Variants in SLC4A10 observed in about 807,000 individuals in gnomAD.
SLC4A10 encodes sodium-driven chloride bicarbonate exchanger.
A neutral mutation model predicts 137.7 loss-of-function variants in SLC4A10; 42 were observed. That is an observed-to-expected ratio of 0.30 (90% CI 0.24 to 0.39). The LOEUF is 0.39. Ranked by LOEUF, SLC4A10 falls within the 10% of genes least tolerant of loss-of-function variation. SLC4A10 has a pLI of 1.00. For missense variants in SLC4A10, 925 were observed against 1,355.0 expected, an observed-to-expected ratio of 0.68 and a Z score of 4.98; for synonymous variants, 474 against 464.1, an observed-to-expected ratio of 1.02 and a Z score of -0.27.
In SLC4A10 at chr2:161,862,942, G is replaced by A. The variant is rs747266395; in HGVS notation, c.646G>A (p.Ala216Thr). The A allele has an allele frequency of 8.6e-5, 138 of 1,613,514 alleles. 2 individuals are homozygous for A. In the South Asian group the frequency reaches 1.2e-3, roughly 14 times the overall value. Residue 216 changes from alanine to threonine, a missense_variant, in exon 6 of 27, where the codon GCA becomes ACA. By Grantham distance (58) the Ala-to-Thr change is moderately conservative (BLOSUM62 0). Coordinates refer to ENST00000446997, the MANE Select transcript of SLC4A10 (RefSeq NM_001178015.2). ...NEDVRHRVHE[A>T]LMKQHHHQNQ... ...AGATGTACGCCATAGGGTCCATGAGGCATTGATGAAACAGCATCATCATCA... is the reference window on the plus strand; with the variant it reads ...AGATGTACGCCATAGGGTCCATGAGACATTGATGAAACAGCATCATCATCA...
rs186187957 is a variant in SLC4A10 at position 161,683,062 on chromosome 2, C to A, written c.48+58496C>A. Among the ~76,000 whole-genome samples the A allele has an allele frequency of 1.2e-3, 177 of 152,074 alleles. 1 individual carries two copies. Among genetic ancestry groups the A allele is most frequent in the African/African-American group, 4.0e-3 (167 of 41,498 alleles). The stretch of plus-strand genomic sequence containing the variant: ...TTTTTTGCTTAAAGCAAGTCATTAG[C>A]CTCATTGAGATTCAGGTGAGGGGAC... On this transcript the variant is annotated intron_variant, in intron 1 of 26. Coordinates refer to ENST00000446997, the MANE Select transcript of SLC4A10 (RefSeq NM_001178015.2).
intron 26 of SLC4A10, among the ~76,000 whole-genome samples, chr2:161,978,459 T>C (rs982555053): frequency 2.6e-5 from 4 of 151,120 alleles, no homozygotes; most frequent in Non-Finnish European, 5.9e-5. Flanking sequence ...AGAGCCTCCA[T>C]TATGTACCAC....
intron 24 of SLC4A10, among the ~76,000 whole-genome samples, chr2:161,976,347 C>A (rs1699376923): frequency 6.6e-6 from 1 of 152,050 alleles, no homozygotes; most frequent in African/African-American, 2.4e-5. Context: ...CTGAAATAAA[C>A]CAGTCACAAA....
intron 3 of SLC4A10, among the ~76,000 whole-genome samples, chr2:161,826,062 A>C (rs542939008): frequency 6.6e-6 from 1 of 152,332 alleles, no homozygotes; most frequent in East Asian, 1.9e-4. Flanking sequence ...ATATTATTTC[A>C]ATTATGTAAA....
rs766687720 is a variant in SLC4A10 at position 161,804,580 on chromosome 2, G to C, written c.262G>C (p.Glu88Gln). The C allele has an allele frequency of 1.6e-5, 26 of 1,610,368 alleles. No homozygotes were observed. The highest frequency in any genetic ancestry group is 2.2e-5 in the Non-Finnish European group (26 of 1,178,198). Reference sequence around the variant, plus strand: ...AGATTCAGGATTAGAGGATGGAAGGGAGTCACCTTCTTTTGGTAAGAATCC... The same window carrying C: ...AGATTCAGGATTAGAGGATGGAAGGCAGTCACCTTCTTTTGGTAAGAATCC... ...ERDSGLEDGR[E>Q]SPSFDTPSQR... Residue 88 changes from glutamate to glutamine, a missense_variant, in exon 3 of 27, where the codon GAG (glutamate) becomes CAG (glutamine). Transcript: ENST00000446997.
intron 1 of SLC4A10, among the ~76,000 whole-genome samples, chr2:161,670,146 A>C (rs901269503): frequency 6.6e-6 from 1 of 152,032 alleles, no homozygotes; most frequent in African/African-American, 2.4e-5. Context: ...GAAATGAATA[A>C]TGTTATCATT....
intron 1 of SLC4A10, among the ~76,000 whole-genome samples, chr2:161,669,886 T>C (rs1468690180): frequency 3.3e-5 from 5 of 152,088 alleles, no homozygotes; most frequent in African/African-American, 4.8e-5. Context: ...TATTTGGCAA[T>C]GGTTTGATAT....
rs531827795 is a variant in SLC4A10, at chr2:161,841,839, GTAATCACTGT to G, written c.416+1918_416+1927del. 2.9e-3 allele frequency among the ~76,000 whole-genome samples: 449 copies of G among 152,222 alleles called. 1 individual carries two copies. The highest frequency in any genetic ancestry group is 0.01 in the African/African-American group (428 of 41,542). ...TTATTCACAGTATCTCTTTTCAAAA[GTAATCACTGT>G]TAATCTTTTCTGTGCATCTTTCCCC... On this transcript the variant is annotated intron_variant, in intron 4 of 26. Coordinates refer to ENST00000446997, the MANE Select transcript of SLC4A10 (RefSeq NM_001178015.2).
intron 1 of SLC4A10, among the ~76,000 whole-genome samples, chr2:161,767,857 T>C (rs191361769): frequency 1.3e-5 from 2 of 152,048 alleles, no homozygotes; most frequent in South Asian, 2.1e-4. Flanking sequence ...TAGTAGAAGG[T>C]TCCTCACCTA....
intron 1 of SLC4A10, among the ~76,000 whole-genome samples, chr2:161,666,473 A>G (rs1186143974): frequency 2.6e-5 from 4 of 151,700 alleles, no homozygotes; most frequent in African/African-American, 9.7e-5. Context: ...CAAGGTATTA[A>G]CAGGGCCCAA....
At position 161,768,827 on chromosome 2, in the gene SLC4A10, T is replaced by C. The variant is rs2051212356; in HGVS notation, c.49-2146T>C. Among the ~76,000 whole-genome samples, 6 of 151,940 alleles carry C rather than the reference T, an allele frequency of 3.9e-5. 1 individual carries two copies. The Admixed American group carries it at 3.9e-4, about 10-fold the overall frequency. On this transcript the variant is annotated intron_variant, in intron 1 of 26. Coordinates refer to ENST00000446997, the MANE Select transcript of SLC4A10 (RefSeq NM_001178015.2). Reference sequence around the variant, plus strand: ...GGCCCCTGTCCTGCCTGGGATCTAATTATCCGATTCCATTTTAGGATTCCA... The same window carrying C: ...GGCCCCTGTCCTGCCTGGGATCTAACTATCCGATTCCATTTTAGGATTCCA...
intron 15 of SLC4A10, among the ~76,000 whole-genome samples, chr2:161,921,081 G>A (rs1023470820): frequency 3.9e-5 from 6 of 152,336 alleles, no homozygotes; most frequent in Middle Eastern, 3.4e-3. Context: ...CAAGGTGTCT[G>A]TATAATGGCC....
chr2:161,941,238 A>G (rs531540591), intron 15 of SLC4A10, among the ~76,000 whole-genome samples: 1 of 152,276 alleles, frequency 6.6e-6, no homozygotes, highest in African/African-American at 2.4e-5. Flanking sequence ...TCTCTTTATA[A>G]TGTCTACTGA....
At chr2:161,813,397 G>C (rs1339936001) in intron 3 of SLC4A10, among the ~76,000 whole-genome samples, 1 of 152,074 alleles carries the variant, frequency 6.6e-6, no homozygotes, top group African/African-American at 2.4e-5. Context: ...TGGTGGCAGA[G>C]TATGTAAAGA....
At chr2:161,741,848 T>C (rs983023235) in intron 1 of SLC4A10, among the ~76,000 whole-genome samples, 1 of 152,206 alleles carries the variant, frequency 6.6e-6, no homozygotes, top group Non-Finnish European at 1.5e-5. Context: ...CTCTCATTAT[T>C]CTAAAACGCA....
intron 13 of SLC4A10, 107 bp from the exon 14 acceptor site, chr2:161,904,669 C>T: frequency 1.4e-6 from 2 of 1,386,020 alleles, no homozygotes; most frequent in Non-Finnish European, 1.9e-6. Context: ...CTAGACTTTT[C>T]AGGGTGAAGC....
intron 1 of SLC4A10, among the ~76,000 whole-genome samples, chr2:161,666,350 T>C (rs2039047572): frequency 6.6e-6 from 1 of 151,696 alleles, no homozygotes; most frequent in East Asian, 1.9e-4. Context: ...CCTGGGGCAA[T>C]TTTTCCAACA....
intron 1 of SLC4A10, among the ~76,000 whole-genome samples, chr2:161,675,036 A>G (rs549806926): frequency 1.3e-5 from 2 of 152,338 alleles, no homozygotes; most frequent in Admixed American, 1.3e-4. Flanking sequence ...TTAACACAGT[A>G]GACCTGTCCC....
At chr2:161,681,731 C>T (rs1396605936) in intron 1 of SLC4A10, among the ~76,000 whole-genome samples, 1 of 152,086 alleles carries the variant, frequency 6.6e-6, no homozygotes, top group Non-Finnish European at 1.5e-5. Context: ...AGCTTTCTTA[C>T]ATTTTAATCT....
Sources: gnomAD v4.1 joint callset for allele counts (sites outside exome capture counted in the v4.1 genomes callset) on GRCh38, gnomAD v4.1.1 for gene constraint, MANE v1.5 for transcripts, NCBI Gene and HGNC (gene_info 2026-07-23, HGNC 2026-07-21) for gene names.